Variants in KDM4C observed in about 807,000 individuals in gnomAD.
KDM4C encodes lysine demethylase 4C, also known as lysine-specific demethylase 4C.
A neutral mutation model predicts 129.3 loss-of-function variants in KDM4C; 81 were observed. The ratio of observed to expected loss-of-function variants is 0.63; its 90% CI spans 0.52 to 0.75. The LOEUF (loss-of-function observed/expected upper bound fraction) is 0.75, where lower values mean the gene tolerates loss of function less well. Ranked by LOEUF, KDM4C falls within the 30% of genes least tolerant of loss-of-function variation. The pLI is 0.00. For missense variants in KDM4C, 1,457 were observed against 1,304.0 expected (o/e 1.12, Z -1.81); for synonymous variants, 573 against 456.1 (o/e 1.26, Z -3.26).
intron 8 of KDM4C, among the ~76,000 whole-genome samples, chr9:6,968,778 A>C (rs1229299600): frequency 6.6e-6 from 1 of 152,150 alleles, no homozygotes; most frequent in Non-Finnish European, 1.5e-5. Flanking sequence ...ATTGGATGTC[A>C]TATTTTTGAC....
intron 20 of KDM4C, 92 bp from the exon 21 acceptor site, chr9:7,169,706 C>A: frequency 1.0e-6 from 1 of 987,826 alleles, no homozygotes; most frequent in Non-Finnish European, 1.5e-6. Context: ...CTGTTTGAGT[C>A]CTTTTCATCT....
intron 2 of KDM4C, among the ~76,000 whole-genome samples, chr9:6,798,799 C>T (rs1341668152): frequency 6.6e-6 from 1 of 152,200 alleles, no homozygotes; most frequent in South Asian, 2.1e-4. Flanking sequence ...GGGCTCCTCA[C>T]TTCCCCGTAG....
intron 19 of KDM4C, among the ~76,000 whole-genome samples, chr9:7,138,769 A>G (rs988660050): frequency 6.6e-6 from 1 of 152,192 alleles, no homozygotes; most frequent in Non-Finnish European, 1.5e-5. Context: ...ACAGTGGGCT[A>G]TGATCACACC....
chr9:6,959,510 C>G (rs1437041770), intron 8 of KDM4C, among the ~76,000 whole-genome samples: 3 of 152,192 alleles, frequency 2.0e-5, no homozygotes, highest in Non-Finnish European at 4.4e-5. Context: ...ACCTGATACA[C>G]AGAAGCTACA....
intron 1 of KDM4C, among the ~76,000 whole-genome samples, chr9:6,777,204 A>G (rs942675336): frequency 6.6e-6 from 1 of 152,136 alleles, no homozygotes; most frequent in Non-Finnish European, 1.5e-5. Flanking sequence ...TTTTATTAAT[A>G]TTATACTTTT....
chr9:6,762,118 C>G (rs1012511099), intron 1 of KDM4C, among the ~76,000 whole-genome samples: 21 of 151,778 alleles, frequency 1.4e-4, no homozygotes, highest in African/African-American at 4.8e-4. Context: ...TTTTATTATA[C>G]TTTAAGTTCT....
At chr9:7,002,483 T>A (rs1367853877) in intron 12 of KDM4C, among the ~76,000 whole-genome samples, 1 of 152,222 alleles carries the variant, frequency 6.6e-6, no homozygotes, top group Non-Finnish European at 1.5e-5. Flanking sequence ...AATTTTAAAA[T>A]GTATTAATAC....
intron 17 of KDM4C, among the ~76,000 whole-genome samples, chr9:7,064,025 AGTGTTACT>A (rs1832073442): frequency 6.6e-6 from 1 of 152,234 alleles, no homozygotes; most frequent in Non-Finnish European, 1.5e-5. Flanking sequence ...GGAATGTGTC[AGTGTTACT>A]GAAGAACTGA....
At chr9:6,966,140 A>G (rs190286941) in intron 8 of KDM4C, among the ~76,000 whole-genome samples, 214 of 152,328 alleles carry the variant, frequency 1.4e-3, no homozygotes, top group African/African-American at 4.8e-3. Flanking sequence ...GAAAATTTAG[A>G]CACCTTAAGA....
At chr9:6,858,266 G>A (rs1165772315) in intron 5 of KDM4C, among the ~76,000 whole-genome samples, 2 of 151,894 alleles carry the variant, frequency 1.3e-5, no homozygotes, top group African/African-American at 4.8e-5. Flanking sequence ...GCATATTAAT[G>A]AATTACTGCT....
intron 12 of KDM4C, among the ~76,000 whole-genome samples, chr9:6,996,326 C>G (rs945454949): frequency 2.0e-5 from 3 of 152,216 alleles, no homozygotes; most frequent in African/African-American, 4.8e-5. Context: ...TGAACATGTG[C>G]TTTATCACAC....
chr9:7,012,340 A>G (rs887227861), intron 13 of KDM4C, among the ~76,000 whole-genome samples: 3 of 152,140 alleles, frequency 2.0e-5, no homozygotes, highest in Non-Finnish European at 2.9e-5. Context: ...TGGTCTCCCA[A>G]ATCTTTTTTG....
At chr9:7,083,711 A>ATGTGTGTGTG (rs142609948) in intron 17 of KDM4C, among the ~76,000 whole-genome samples, 18,542 of 143,112 alleles carry the variant, frequency 0.13, 1,528 homozygotes, top group Non-Finnish European at 0.16. Context: ...CACATGACTG[A>ATGTGTGTGTG]TGTGTGTGTG....
At chr9:7,004,306 G>C (rs1376844294) in intron 12 of KDM4C, among the ~76,000 whole-genome samples, 1 of 152,194 alleles carries the variant, frequency 6.6e-6, no homozygotes, top group Non-Finnish European at 1.5e-5. Context: ...GTTTCCCCCA[G>C]TTCATAGTTC....
Position 6,854,550 on chromosome 9 carries a change from A to AAAAAAC in KDM4C, c.629+4855_629+4856insCAAAAA, listed in dbSNP as rs1554720222. On this transcript the variant is annotated intron_variant, in intron 5 of 21. Transcript: ENST00000381309. ...CAAAAAAAAAAAAAAAAAAAACAAA[A>AAAAAAC]AAAAAACTAACTTTCAAATTTACTC... Among the ~76,000 whole-genome samples, 601 of 150,818 alleles carry AAAAAAC rather than the reference A, an allele frequency of 4.0e-3. 5 individuals are homozygous for AAAAAAC. The highest frequency in any genetic ancestry group is 0.014 in the African/African-American group (582 of 40,762).
chr9:7,054,951 T>C (rs1830671186), intron 17 of KDM4C, among the ~76,000 whole-genome samples: 1 of 152,176 alleles, frequency 6.6e-6, no homozygotes, highest in African/African-American at 2.4e-5. Context: ...CTGATTGCTG[T>C]CATTGCATAA....
At chr9:6,863,656 C>T (rs1023974501) in intron 5 of KDM4C, among the ~76,000 whole-genome samples, 2 of 151,830 alleles carry the variant, frequency 1.3e-5, no homozygotes, top group Non-Finnish European at 1.5e-5. Flanking sequence ...ATTAGCCAGG[C>T]GTGGTGGCGG....
At chr9:6,806,311 A>G (rs897708134) in intron 3 of KDM4C, among the ~76,000 whole-genome samples, 4 of 152,042 alleles carry the variant, frequency 2.6e-5, no homozygotes, top group East Asian at 1.9e-4. Context: ...TCTGATCAAC[A>G]TGGAGAAACC....
intron 4 of KDM4C, among the ~76,000 whole-genome samples, chr9:6,830,758 CTG>C (rs1834680023): frequency 6.6e-6 from 1 of 152,180 alleles, no homozygotes; most frequent in South Asian, 2.1e-4. Flanking sequence ...GTACCTTAGG[CTG>C]TTTTTCTTTA....
Sources: allele counts gnomAD v4.1 joint callset (sites outside exome capture counted in the v4.1 genomes callset), GRCh38; gene constraint gnomAD v4.1.1; transcripts MANE v1.5; gene names NCBI Gene and HGNC (gene_info 2026-07-23, HGNC 2026-07-21).